Variants in PKNOX1 observed in about 807,000 individuals in gnomAD.
The protein encoded by PKNOX1 is homeobox protein PKNOX1.
In PKNOX1, 15 loss-of-function variants were observed where a neutral mutation model predicts 51.9. That is an observed-to-expected ratio of 0.29 (90% CI 0.19 to 0.45). The LOEUF is 0.45. Ranked by LOEUF, PKNOX1 falls within the 20% of genes least tolerant of loss-of-function variation. The pLI, the probability that PKNOX1 is intolerant of heterozygous loss-of-function variation, is 1.00. For missense variants in PKNOX1, 462 were observed against 547.5 expected (o/e 0.84, Z 1.56); for synonymous variants, 219 against 211.1 (o/e 1.04, Z -0.32).
rs546344991 is a variant in PKNOX1, at chr21:43,033,923, G to A, written c.*3822G>A. On this transcript the variant is annotated 3_prime_UTR_variant, in exon 11 of 11. Coordinates refer to ENST00000291547, the MANE Select transcript of PKNOX1 (RefSeq NM_004571.5). ...GTAAGCTAACATAATCCCTTTCATA[G>A]TTCATATTATAAATTTTCATGACAA... 61 of 152,224 alleles carry A rather than the reference G, an allele frequency of 4.0e-4. No individual in the cohort carries two copies. The highest frequency in any genetic ancestry group is 1.3e-3 in the African/African-American group (56 of 41,518). The allele number at this position is 152,224 out of a possible 1,614,324, so 9.4% of individuals were successfully genotyped here. A position where few individuals can be genotyped will look rare whatever the true frequency, so the allele number is the denominator to read the frequency against.
intron 1 of PKNOX1, among the ~76,000 whole-genome samples, chr21:42,981,306 G>A (rs2059024218): frequency 6.6e-6 from 1 of 152,238 alleles, no homozygotes; most frequent in Non-Finnish European, 1.5e-5. Context: ...TCGTGACAGT[G>A]TGCAAAGTCT....
chr21:43,030,716 T>G lies in PKNOX1; in HGVS notation c.*615T>G, dbSNP rs1284328213. 6.6e-6 allele frequency: 1 copy of G among 152,638 alleles called. No individual in the cohort carries two copies. The highest frequency in any genetic ancestry group is 1.5e-5 in the Non-Finnish European group (1 of 68,044). The allele number at this position is 152,638 out of a possible 1,614,324, so 9.5% of individuals were successfully genotyped here. A position where few individuals can be genotyped will look rare whatever the true frequency, so the allele number is the denominator to read the frequency against. ...TGGATAAAAAAGCTATTTTTATAAA[T>G]TCGTTATGAATTGGATGATGACTAT... On this transcript the variant is annotated 3_prime_UTR_variant, in exon 11 of 11. Coordinates refer to ENST00000291547, the MANE Select transcript of PKNOX1 (RefSeq NM_004571.5).
chr21:42,975,712 A>T (rs1460861563), intron 1 of PKNOX1, among the ~76,000 whole-genome samples: 1 of 152,170 alleles, frequency 6.6e-6, no homozygotes, highest in Non-Finnish European at 1.5e-5. Context: ...GGCCCAGGGC[A>T]GGCCAGGCTG....
intron 1 of PKNOX1, among the ~76,000 whole-genome samples, chr21:42,986,509 A>C (rs1449353301): frequency 2.6e-5 from 4 of 152,124 alleles, no homozygotes; most frequent in Admixed American, 2.6e-4. Flanking sequence ...TCAAAAACAA[A>C]AAAAAAGTGA....
At chr21:43,002,645 A>G (rs1416452057) in intron 1 of PKNOX1, among the ~76,000 whole-genome samples, 1 of 152,142 alleles carries the variant, frequency 6.6e-6, no homozygotes, top group Non-Finnish European at 1.5e-5. Context: ...AGATGGCTCA[A>G]TGTGCTCAAG....
At chr21:43,019,135 G>T (rs1979641234) in intron 7 of PKNOX1, among the ~76,000 whole-genome samples, 1 of 148,318 alleles carries the variant, frequency 6.7e-6, no homozygotes, top group Non-Finnish European at 1.5e-5. Context: ...GCTCACACCT[G>T]TGATCCCAGC....
intron 3 of PKNOX1, among the ~76,000 whole-genome samples, chr21:43,009,132 T>G (rs1247607329): frequency 1.3e-5 from 2 of 152,124 alleles, no homozygotes; most frequent in Non-Finnish European, 2.9e-5. Context: ...CTGGCCAAAA[T>G]GGCGAAATGT....
chr21:42,997,970 G>C (rs1429921471), intron 1 of PKNOX1, among the ~76,000 whole-genome samples: 3 of 152,170 alleles, frequency 2.0e-5, no homozygotes, highest in African/African-American at 7.2e-5. Flanking sequence ...TTAAGCATGT[G>C]AGTCACATGA....
chr21:43,002,305 C>T (rs1291956440), intron 1 of PKNOX1, among the ~76,000 whole-genome samples: 1 of 152,148 alleles, frequency 6.6e-6, no homozygotes. Context: ...AATGTCCCAA[C>T]ATGCCCTCCC....
intron 1 of PKNOX1, among the ~76,000 whole-genome samples, chr21:42,987,404 A>AAAATATATATATATATATATATATATAT: frequency 2.4e-5 from 1 of 41,406 alleles, no homozygotes; most frequent in Admixed American, 3.1e-4. Context: ...AAAAAAAAAA[A>AAAATATATATATATATATATATATATAT]ATATATATAT....
chr21:43,015,580 A>G (rs1979453969), intron 5 of PKNOX1, among the ~76,000 whole-genome samples: 1 of 152,230 alleles, frequency 6.6e-6, no homozygotes, highest in Admixed American at 6.5e-5. Flanking sequence ...ATCAAAATAC[A>G]CAAACTTACA....
intron 1 of PKNOX1, among the ~76,000 whole-genome samples, chr21:42,981,423 G>A (rs2059025031): frequency 6.6e-6 from 1 of 152,248 alleles, no homozygotes; most frequent in African/African-American, 2.4e-5. Context: ...AGAAGGCAGT[G>A]TGGTAATTCA....
chr21:43,028,666 G>A, intron 9 of PKNOX1, 36 bp from the exon 10 acceptor site: 2 of 1,601,624 alleles, frequency 1.2e-6, no homozygotes, highest in Non-Finnish European at 1.7e-6. Flanking sequence ...CTTTACGAAG[G>A]CTGTTTTCAT....
chr21:43,013,266 C>T (rs749784985), intron 5 of PKNOX1, 28 bp downstream of exon 5: 16 of 1,522,336 alleles, frequency 1.1e-5, no homozygotes, highest in Non-Finnish European at 1.4e-5. Context: ...TCTCGCTTTC[C>T]CTCTCTGCCA....
intron 1 of PKNOX1, among the ~76,000 whole-genome samples, chr21:42,987,450 C>A (rs565015072): frequency 7.9e-4 from 109 of 137,424 alleles, no homozygotes; most frequent in African/African-American, 2.8e-3. Flanking sequence ...TTTTCTGACT[C>A]CTCTGGGTAC....
At chr21:42,998,171 G>A (rs1468332987) in intron 1 of PKNOX1, among the ~76,000 whole-genome samples, 2 of 152,212 alleles carry the variant, frequency 1.3e-5, no homozygotes, top group African/African-American at 2.4e-5. Context: ...ACAAGGAAGA[G>A]CAAGTCATGT....
intron 2 of PKNOX1, among the ~76,000 whole-genome samples, chr21:43,005,071 C>A (rs1978928345): frequency 6.6e-6 from 1 of 152,106 alleles, no homozygotes; most frequent in African/African-American, 2.4e-5. Context: ...TTGGCTGAGG[C>A]CCTTGTGGTC....
At chr21:43,026,186 T>G (rs546979148) in intron 9 of PKNOX1, among the ~76,000 whole-genome samples, 1 of 152,320 alleles carries the variant, frequency 6.6e-6, no homozygotes, top group African/African-American at 2.4e-5. Context: ...TTTTCTGCAT[T>G]CATGATTTCC....
At position 43,004,539 on chromosome 21, in the gene PKNOX1, AGTGTTAGTGTATTATGCATTTATT is replaced by A. The variant is rs1291367029; in HGVS notation, c.51+110_51+133del. ...TCAATTGCCATGAGGTTGCATGCTC[AGTGTTAGTGTATTATGCATTTATT>A]GTACATTCGTGTTCAGAAAAAAAGC... is the stretch of plus-strand genomic sequence containing the variant. On this transcript the variant is annotated intron_variant, in intron 2 of 10. Transcript: ENST00000291547. The A allele has an allele frequency of 3.8e-6, 3 of 789,086 alleles. No individual in the cohort carries two copies. In the African/African-American group the frequency reaches 5.1e-5, roughly 13 times the overall value. 48.9% of individuals were successfully genotyped at this position (789,086 alleles called of 1,614,324 possible).
Sources: gnomAD v4.1 joint callset for allele counts (sites outside exome capture counted in the v4.1 genomes callset) on GRCh38, gnomAD v4.1.1 for gene constraint, MANE v1.5 for transcripts, NCBI Gene and HGNC (gene_info 2026-07-23, HGNC 2026-07-21) for gene names.